NR2C2: variants seen among roughly 807,000 people sequenced by gnomAD.
NR2C2 encodes the protein nuclear receptor subfamily 2 group C member 2, also known as Nuclear hormone receptor TR4.
Under a neutral mutation model 62.9 loss-of-function variants are expected in NR2C2, and 6 were observed. The ratio of observed to expected loss-of-function variants is 0.10; its 90% confidence interval spans 0.05 to 0.19. NR2C2 has a LOEUF of 0.19. Ranked by LOEUF, NR2C2 falls within the 10% of genes least tolerant of loss-of-function variation. NR2C2 has a pLI of 1.00. For synonymous variants in NR2C2, 272 were observed against 273.8 expected (o/e 0.99, Z 0.07); for missense variants, 479 against 762.7 (o/e 0.63, Z 4.38).
At chr3:15,008,220 G>GT (rs1304627266) in intron 2 of NR2C2, among the ~76,000 whole-genome samples, 16 of 117,292 alleles carry the variant, frequency 1.4e-4, no homozygotes, top group Admixed American at 3.4e-4. Flanking sequence ...TTGTTTGTTT[G>GT]TTTTTTTTTT....
intron 1 of NR2C2, among the ~76,000 whole-genome samples, chr3:14,961,355 A>G (rs148230627): frequency 1.9e-3 from 297 of 152,346 alleles, no homozygotes; most frequent in African/African-American, 6.6e-3. Context: ...ATATTTTGTA[A>G]AATTGTATTG....
intron 2 of NR2C2, among the ~76,000 whole-genome samples, chr3:15,007,291 C>G (rs1212099162): frequency 6.6e-6 from 1 of 151,922 alleles, no homozygotes; most frequent in Admixed American, 6.6e-5. Context: ...CCACACCTGG[C>G]TAAATTTTTA....
chr3:15,043,050 G>A lies in NR2C2; in HGVS notation c.*42G>A. ...GCCAAGGAGCAACAGAATCCTTCCAGGACCGTTCACATACAAAGAAAAGTA... is the reference window on the plus strand; with the variant it reads ...GCCAAGGAGCAACAGAATCCTTCCAAGACCGTTCACATACAAAGAAAAGTA... On this transcript the variant is annotated 3_prime_UTR_variant, in exon 14 of 14. Coordinates refer to ENST00000425241, the MANE Select transcript of NR2C2 (RefSeq NM_001291694.2). The A allele has an allele frequency of 6.4e-7, 1 of 1,564,946 alleles. No homozygotes were observed. The highest frequency in any genetic ancestry group is 8.7e-7 in the Non-Finnish European group (1 of 1,152,928).
At chr3:14,948,550 C>T (rs2039220802) in intron 1 of NR2C2, 1 of 52,194 alleles carries the variant, frequency 1.9e-5, no homozygotes, top group African/African-American at 7.7e-5. Context: ...CCTGGCGGGG[C>T]GGGAGTAGAG....
intron 4 of NR2C2, among the ~76,000 whole-genome samples, chr3:15,019,830 C>T (rs780821452): frequency 2.0e-5 from 3 of 152,096 alleles, no homozygotes; most frequent in Non-Finnish European, 2.9e-5. Context: ...GGAACAAGTT[C>T]TGGTGTTCTA....
At chr3:14,998,172 GGGAGA>G (rs1574980859) in intron 1 of NR2C2, among the ~76,000 whole-genome samples, 1 of 152,242 alleles carries the variant, frequency 6.6e-6, no homozygotes, top group East Asian at 1.9e-4. Flanking sequence ...TTCATCATTT[GGGAGA>G]TATTTGAGTT....
At chr3:14,961,471 A>G (rs559475360) in intron 1 of NR2C2, among the ~76,000 whole-genome samples, 21 of 152,352 alleles carry the variant, frequency 1.4e-4, no homozygotes, top group African/African-American at 4.1e-4. Context: ...AATCTTGGTA[A>G]TAGATTTGAG....
In NR2C2 at chr3:15,013,666, G is replaced by A; in HGVS notation, c.150G>A (p.Gln50=). The A allele has an allele frequency of 1.2e-6, 2 of 1,614,188 alleles. No homozygotes were observed. Among genetic ancestry groups the A allele is most frequent in the Non-Finnish European group, 1.7e-6 (2 of 1,180,038 alleles). ...AVDASGSPKQ[Q]FILTSPDGAG... ...ACGCCTCCGGATCCCCCAAACAGCA[G>A]TTCATCCTGACCAGCCCAGATGGAG... Residue 50 remains glutamine (Q), a synonymous_variant, in exon 3 of 14, where the codon CAG becomes CAA. Coordinates refer to ENST00000425241, the MANE Select transcript of NR2C2 (RefSeq NM_001291694.2).
intron 13 of NR2C2, among the ~76,000 whole-genome samples, chr3:15,039,872 C>T (rs751092560): frequency 3.3e-5 from 5 of 152,196 alleles, no homozygotes; most frequent in East Asian, 3.9e-4. Flanking sequence ...AAATTAGGAC[C>T]GGGCACGGTG....
At chr3:14,968,116 A>G (rs2125275894) in intron 1 of NR2C2, among the ~76,000 whole-genome samples, 1 of 152,384 alleles carries the variant, frequency 6.6e-6, no homozygotes, top group East Asian at 1.9e-4. Context: ...AGCAATGGCA[A>G]CCAAAGCCAA....
intron 1 of NR2C2, among the ~76,000 whole-genome samples, chr3:14,993,889 A>C (rs924670799): frequency 6.6e-6 from 1 of 152,214 alleles, no homozygotes; most frequent in Non-Finnish European, 1.5e-5. Context: ...GCCAAAATCC[A>C]GGGAGTTTAA....
At chr3:14,956,871 A>G (rs984316802) in intron 1 of NR2C2, among the ~76,000 whole-genome samples, 2 of 152,200 alleles carry the variant, frequency 1.3e-5, no homozygotes, top group Non-Finnish European at 2.9e-5. Context: ...CCATGTGTAT[A>G]TAGTTAAATT....
chr3:14,959,800 T>A (rs2039641323), intron 1 of NR2C2, among the ~76,000 whole-genome samples: 1 of 152,114 alleles, frequency 6.6e-6, no homozygotes, highest in African/African-American at 2.4e-5. Context: ...AAAAAGATAG[T>A]GGTGGTGACC....
rs752913261 is a variant in NR2C2, at chr3:15,008,216, G to GT, written c.72+4233dup. Among the ~76,000 whole-genome samples the GT allele has an allele frequency of 1.7e-3, 218 of 127,662 alleles. 1 individual carries two copies. Among genetic ancestry groups the GT allele is most frequent in the East Asian group, 4.1e-3 (20 of 4,868 alleles). The allele number at this position is 127,662 out of a possible 152,430, so 83.8% of individuals were successfully genotyped here. A position where few individuals can be genotyped will look rare whatever the true frequency, so the allele number is the denominator to read the frequency against. ...ATGTTAGCAAACAGTTTTTTTGTTT[G>GT]TTTGTTTTTTTTTTTAAATTAGGGG... is the stretch of plus-strand genomic sequence containing the variant. On this transcript the variant is annotated intron_variant, in intron 2 of 13. Coordinates refer to ENST00000425241, the MANE Select transcript of NR2C2 (RefSeq NM_001291694.2).
chr3:14,958,979 AAT>A (rs974477739), intron 1 of NR2C2, among the ~76,000 whole-genome samples: 5 of 152,150 alleles, frequency 3.3e-5, no homozygotes, highest in Non-Finnish European at 5.9e-5. Flanking sequence ...CGTCTCAAAA[AAT>A]ATATATATAT....
intron 11 of NR2C2, among the ~76,000 whole-genome samples, 160 bp downstream of exon 11, chr3:15,034,969 A>G (rs1328136953): frequency 6.6e-6 from 1 of 152,222 alleles, no homozygotes; most frequent in Non-Finnish European, 1.5e-5. Flanking sequence ...CACAGCATCC[A>G]TAGGCTGAGA....
At chr3:15,007,128 CTT>C (rs1189765777) in intron 2 of NR2C2, among the ~76,000 whole-genome samples, 570 of 134,640 alleles carry the variant, frequency 4.2e-3, no homozygotes, top group African/African-American at 0.014. Flanking sequence ...CCTGACCTCT[CTT>C]TTTTTTTTTT....
At chr3:15,009,482 ACATAT>A (rs1243530350) in intron 2 of NR2C2, among the ~76,000 whole-genome samples, 25 of 152,222 alleles carry the variant, frequency 1.6e-4, no homozygotes, top group Admixed American at 6.5e-5. Flanking sequence ...TTATTTACTA[ACATAT>A]CAATCATGTT....
At chr3:14,953,650 C>A (rs986416570) in intron 1 of NR2C2, among the ~76,000 whole-genome samples, 1 of 152,134 alleles carries the variant, frequency 6.6e-6, no homozygotes, top group African/African-American at 2.4e-5. Context: ...AATCCCAGCA[C>A]TTTGGGAGGC....
Sources: gnomAD v4.1 joint callset for allele counts (sites outside exome capture counted in the v4.1 genomes callset) on GRCh38, gnomAD v4.1.1 for gene constraint, MANE v1.5 for transcripts, NCBI Gene and HGNC (gene_info 2026-07-23, HGNC 2026-07-21) for gene names.